Variants in ZNF805 observed in about 807,000 individuals in gnomAD.
The protein encoded by ZNF805 is zinc finger protein 805, also known as CTC-444N24.8.
In ZNF805, 7 loss-of-function variants were observed where a neutral mutation model predicts 13.6. That is an observed-to-expected ratio of 0.51 (90% CI 0.29 to 0.97). The LOEUF is 0.97. ZNF805 is among the 50% of genes least tolerant of loss of function. The pLI is 0.08. For missense variants in ZNF805, 604 were observed against 771.0 expected, an observed-to-expected ratio of 0.78 and a Z score of 2.57; for synonymous variants, 293 against 279.8, an observed-to-expected ratio of 1.05 and a Z score of -0.47.
rs542700150 is a variant in ZNF805, at chr19:57,240,834, C to A, written c.-58C>A. 2.0e-5 allele frequency: 30 copies of A among 1,526,612 alleles called. No individual in the cohort carries two copies. The East Asian group carries it at 6.3e-4, about 32-fold the overall frequency. 94.6% of individuals were successfully genotyped at this position (1,526,612 alleles called of 1,614,324 possible). On this transcript the variant is annotated 5_prime_UTR_variant, in exon 1 of 4. Coordinates refer to ENST00000414468, the MANE Select transcript of ZNF805 (RefSeq NM_001023563.4). ...GGAAGGGGTGGGGCTCGGCTGAGCCCGCGAGACCCGCCCTGCTCGCCGCAG... is the reference window on the plus strand; with the variant it reads ...GGAAGGGGTGGGGCTCGGCTGAGCCAGCGAGACCCGCCCTGCTCGCCGCAG...
At position 57,253,025 on chromosome 19, in the gene ZNF805, T is replaced by C. The variant is rs1216776563; in HGVS notation, c.254-48T>C. ...ACTGAAGTGGTGAGTTTGTTTCTTC[T>C]CTTTTTACATTACTAACAAGCCCTT... On this transcript the variant is annotated intron_variant, in intron 3 of 3. Transcript: ENST00000414468. This position sits in a 1 kb window ranked among gnomAD's most constrained non-coding sequence, Gnocchi z 4.4. 6 of 1,349,696 alleles carry C rather than the reference T, an allele frequency of 4.4e-6. No individual in the cohort carries two copies. Among genetic ancestry groups the C allele is most frequent in the Non-Finnish European group, 4.8e-6 (5 of 1,043,842 alleles). The allele number at this position is 1,349,696 out of a possible 1,614,324, so 83.6% of individuals were successfully genotyped here. A position where few individuals can be genotyped will look rare whatever the true frequency, so the allele number is the denominator to read the frequency against.
rs2032225285 is a variant in ZNF805, at chr19:57,255,023, C to G, written c.*320C>G. 1 of 242,144 alleles carries G rather than the reference C, an allele frequency of 4.1e-6. No homozygotes were observed. The highest frequency in any genetic ancestry group is 5.1e-5 in the Admixed American group (1 of 19,624). The allele number at this position is 242,144 out of a possible 1,614,324, so 15.0% of individuals were successfully genotyped here. On this transcript the variant is annotated 3_prime_UTR_variant, in exon 4 of 4. Coordinates refer to ENST00000414468, the MANE Select transcript of ZNF805 (RefSeq NM_001023563.4). ...GAAGGTCTGGAAACTTACTCAATGT[C>G]TTTGTTCTACAACATTGTCTCTTCT...
intron 2 of ZNF805, 150 bp from the exon 3 acceptor site, chr19:57,248,455 T>G: frequency 2.9e-6 from 2 of 681,390 alleles, no homozygotes; most frequent in Admixed American, 2.4e-5. Flanking sequence ...CTGCCCTTGG[T>G]TTCTAGATCA....
At chr19:57,242,531 A>G (rs2087585856) in intron 1 of ZNF805, among the ~76,000 whole-genome samples, 1 of 152,240 alleles carries the variant, frequency 6.6e-6, no homozygotes, top group African/African-American at 2.4e-5. Flanking sequence ...TCTCATGACC[A>G]CAGCCTGCAT....
chr19:57,244,426 G>T (rs942758464), intron 2 of ZNF805, among the ~76,000 whole-genome samples: 2 of 151,714 alleles, frequency 1.3e-5, no homozygotes, highest in Non-Finnish European at 2.9e-5. Context: ...GGCCAGGCTG[G>T]TCTCAAACTC....
In ZNF805 at chr19:57,262,721, C is replaced by G. The variant is rs2087732166; in HGVS notation, c.*8018C>G. On this transcript the variant is annotated 3_prime_UTR_variant, in exon 4 of 4. Coordinates refer to ENST00000414468, the MANE Select transcript of ZNF805 (RefSeq NM_001023563.4). ...TTTGAGATTAAAGAATATGTTGTTG[C>G]AGGCTTAGTCACTTTGATGGATCTG... is the stretch of plus-strand genomic sequence containing the variant. The G allele has an allele frequency of 1.2e-5, 2 of 167,104 alleles. No homozygotes were observed. Among genetic ancestry groups the G allele is most frequent in the Non-Finnish European group, 2.9e-5 (2 of 68,122 alleles). The allele number at this position is 167,104 out of a possible 1,614,324, so 10.4% of individuals were successfully genotyped here.
At position 57,247,715 on chromosome 19, in the gene ZNF805, C is replaced by T. The variant is rs548306540; in HGVS notation, c.158-890C>T. Among the ~76,000 whole-genome samples, 14 of 152,278 alleles carry T rather than the reference C, an allele frequency of 9.2e-5. No individual in the cohort carries two copies. In the East Asian group the frequency reaches 2.7e-3, roughly 29 times the overall value. ...CCTTGACCTGGCACTTTCTGGGCAG[C>T]GTTGTGGAGCTTTGTGGTTAAACAG... On this transcript the variant is annotated intron_variant, in intron 2 of 3. Coordinates refer to ENST00000414468, the MANE Select transcript of ZNF805 (RefSeq NM_001023563.4).
rs1307966402 is a variant in ZNF805 at position 57,262,531 on chromosome 19, C to A, written c.*7828C>A. The A allele has an allele frequency of 2.4e-5, 4 of 166,950 alleles. No homozygotes were observed. Among genetic ancestry groups the A allele is most frequent in the African/African-American group, 9.7e-5 (4 of 41,410 alleles). The allele number at this position is 166,950 out of a possible 1,614,324, so 10.3% of individuals were successfully genotyped here. On this transcript the variant is annotated 3_prime_UTR_variant, in exon 4 of 4. Coordinates refer to ENST00000414468, the MANE Select transcript of ZNF805 (RefSeq NM_001023563.4). ...ATACACCCTTTCTTGGCCTTTATTT[C>A]GGCAAAGATGTGATGGGTAGGTAAA...
chr19:57,261,845 A>C lies in ZNF805; in HGVS notation c.*7142A>C, dbSNP rs1366825193. 6.0e-6 allele frequency: 1 copy of C among 167,062 alleles called. No homozygotes were observed. The highest frequency in any genetic ancestry group is 2.4e-5 in the African/African-American group (1 of 41,456). The allele number at this position is 167,062 out of a possible 1,614,324, so 10.3% of individuals were successfully genotyped here. ...AAGAATCCAGAGCAAACTCAGCAAAAGGCTCAAACCCAAGTCCAGAGGAAA... is the reference window on the plus strand; with the variant it reads ...AAGAATCCAGAGCAAACTCAGCAAACGGCTCAAACCCAAGTCCAGAGGAAA... On this transcript the variant is annotated 3_prime_UTR_variant, in exon 4 of 4. Transcript: ENST00000414468.
In ZNF805 at chr19:57,260,848, G is replaced by A. The variant is rs2087719793; in HGVS notation, c.*6145G>A. ...ATCATGTGGCCATGACCTTGGCCGT[G>A]GGGATGCACCCATAATCATCATAAG... On this transcript the variant is annotated 3_prime_UTR_variant, in exon 4 of 4. Transcript: ENST00000414468. Among the ~76,000 whole-genome samples, 1 of 152,170 alleles carries A rather than the reference G, an allele frequency of 6.6e-6. No homozygotes were observed. Among genetic ancestry groups the A allele is most frequent in the East Asian group, 1.9e-4 (1 of 5,202 alleles).
chr19:57,256,731 T>C lies in ZNF805; in HGVS notation c.*2028T>C, dbSNP rs2087689536. On this transcript the variant is annotated 3_prime_UTR_variant, in exon 4 of 4. Transcript: ENST00000414468. ...TCTTTGTAGACATATGTCAATTTCATTGATCATTTCAAAGAAATAGCACTT... is the reference window on the plus strand; with the variant it reads ...TCTTTGTAGACATATGTCAATTTCACTGATCATTTCAAAGAAATAGCACTT... Among the ~76,000 whole-genome samples, 1 of 152,148 alleles carries C rather than the reference T, an allele frequency of 6.6e-6. No homozygotes were observed. The highest frequency in any genetic ancestry group is 2.1e-4 in the South Asian group (1 of 4,836).
Position 57,261,501 on chromosome 19 carries a change from C to T in ZNF805, c.*6798C>T, listed in dbSNP as rs879562485. ...TCCCACGTCCGGCCACTGCCCCATT[C>T]CTTTTTGTTCCGTAGTAGACCCTCA... On this transcript the variant is annotated 3_prime_UTR_variant, in exon 4 of 4. Transcript: ENST00000414468. 15 of 166,994 alleles carry T rather than the reference C, an allele frequency of 9.0e-5. No homozygotes were observed. The highest frequency in any genetic ancestry group is 3.6e-4 in the African/African-American group (15 of 41,424). The allele number at this position is 166,994 out of a possible 1,614,324, so 10.3% of individuals were successfully genotyped here.
chr19:57,253,152 A>G lies in ZNF805; in HGVS notation c.333A>G (p.Gln111=), dbSNP rs1206761093. 3 of 1,544,216 alleles carry G rather than the reference A, an allele frequency of 1.9e-6. No individual in the cohort carries two copies. The highest frequency in any genetic ancestry group is 1.7e-6 in the Non-Finnish European group (2 of 1,147,244). Residue 111 remains glutamine, a synonymous_variant, in exon 4 of 4, where the codon CAA becomes CAG. Transcript: ENST00000414468. The surrounding 1 kb of genome is among the most constrained non-coding windows in gnomAD (Gnocchi z 4.4). ...CTGAAGGAATCTCTTTTTGGGGACAACTAACACAAGGAGCTTCAGGGGACT... is the reference window on the plus strand; with the variant it reads ...CTGAAGGAATCTCTTTTTGGGGACAGCTAACACAAGGAGCTTCAGGGGACT... ...ALSEGISFWG[Q]LTQGASGDSQ...
rs1375847279 is a variant in ZNF805, at chr19:57,253,386, A to G, written c.567A>G (p.Gly189=). 7.0e-6 allele frequency: 11 copies of G among 1,560,704 alleles called. No homozygotes were observed. The part of the protein sequence containing the change: ...GDDVHDCDSH[G]SGKNPVIQEE... ...ATGTCCATGACTGTGACTCACATGG[A>G]TCAGGTAAAAATCCAGTTATTCAGG... Residue 189 remains glycine, a synonymous_variant, in exon 4 of 4, where the codon GGA becomes GGG. Transcript: ENST00000414468. This position sits in a 1 kb window ranked among gnomAD's most constrained non-coding sequence, Gnocchi z 4.4.
rs1424221080 is a variant in ZNF805, at chr19:57,253,583, G to C, written c.764G>C (p.Gly255Ala). 6 of 1,613,996 alleles carry C rather than the reference G, an allele frequency of 3.7e-6. No homozygotes were observed. In the South Asian group the frequency reaches 6.6e-5, roughly 18 times the overall value. Residue 255 changes from glycine to alanine, a missense_variant, in exon 4 of 4, where the codon GGG (glycine) becomes GCG (alanine). Physicochemically the swap from Gly to Ala is moderately conservative, Grantham distance 60. This residue lies in a region of ZNF805 where 327 missense variants were observed against 378.2 expected (regional missense o/e 0.86). Transcript: ENST00000414468. The surrounding 1 kb of genome is among the most constrained non-coding windows in gnomAD (Gnocchi z 4.4). Reference sequence around the variant, plus strand: ...CTGCAGCACCACATGGTCCACACTGGGGAGAAGCCCTATAAGTGCATGGAG... The same window carrying C: ...CTGCAGCACCACATGGTCCACACTGCGGAGAAGCCCTATAAGTGCATGGAG... ...YLLQHHMVHTGEKPYKCMECG... is the reference protein window; with the variant it reads ...YLLQHHMVHTAEKPYKCMECG...
chr19:57,253,153 C>T lies in ZNF805; in HGVS notation c.334C>T (p.Leu112=), dbSNP rs1267358382. ...LSEGISFWGQ[L]TQGASGDSQL... ...TGAAGGAATCTCTTTTTGGGGACAA[C>T]TAACACAAGGAGCTTCAGGGGACTC... The change falls in exon 4 of 4, where the codon CTA becomes TTA. Residue 112 remains leucine (L), a synonymous_variant. Coordinates refer to ENST00000414468, the MANE Select transcript of ZNF805 (RefSeq NM_001023563.4). The surrounding 1 kb of genome is among the most constrained non-coding windows in gnomAD (Gnocchi z 4.4). 3 of 1,544,310 alleles carry T rather than the reference C, an allele frequency of 1.9e-6. No homozygotes were observed. In the East Asian group the frequency reaches 7.1e-5, roughly 37 times the overall value.
intron 3 of ZNF805, among the ~76,000 whole-genome samples, chr19:57,250,019 G>A (rs983823017): frequency 6.6e-6 from 1 of 152,158 alleles, no homozygotes; most frequent in Non-Finnish European, 1.5e-5. Context: ...TGCCTAACAA[G>A]GAACCCATGA....
chr19:57,251,517 T>C (rs2087651894), intron 3 of ZNF805, among the ~76,000 whole-genome samples: 1 of 152,220 alleles, frequency 6.6e-6, no homozygotes, highest in Non-Finnish European at 1.5e-5. Context: ...TAGATACCTA[T>C]CTTTTATCAG....
At chr19:57,242,418 C>T (rs1427411458) in intron 1 of ZNF805, among the ~76,000 whole-genome samples, 1 of 152,256 alleles carries the variant, frequency 6.6e-6, no homozygotes, top group African/African-American at 2.4e-5. Flanking sequence ...CCCATCCCCA[C>T]CTGCTGAGAC....
Sources: allele counts gnomAD v4.1 joint callset (sites outside exome capture counted in the v4.1 genomes callset), GRCh38; gene constraint gnomAD v4.1.1; regional missense constraint gnomAD v4.1.1; non-coding constraint Gnocchi (gnomAD v3.1); transcripts MANE v1.5; gene names NCBI Gene and HGNC (gene_info 2026-07-23, HGNC 2026-07-21).